The following NLGN4X variants were observed in gnomAD, a reference collection of about 807,000 sequenced individuals.
NLGN4X encodes neuroligin 4 X-linked, also known as neuroligin-4, X-linked.
NLGN4X carries 3 observed loss-of-function variants against 40.3 expected under a neutral mutation model. The ratio of observed to expected loss-of-function variants is 0.07; its 90% CI spans 0.03 to 0.19. The LOEUF (loss-of-function observed/expected upper bound fraction) is 0.19. NLGN4X is among the 10% of genes least tolerant of loss of function. The pLI, the probability that NLGN4X is intolerant of heterozygous loss-of-function variation, is 1.00. For synonymous variants in NLGN4X, 270 were observed against 306.8 expected (o/e 0.88, Z 1.25); for missense variants, 382 against 708.3 (o/e 0.54, Z 5.23).
intron 2 of NLGN4X, among the ~76,000 whole-genome samples, chrX:6,139,389 G>A (rs1309147747): frequency 1.8e-5 from 2 of 111,855 alleles, no homozygotes; most frequent in African/African-American, 6.5e-5. Context: ...AAATACCCAA[G>A]TGAGTATTTT....
At chrX:6,101,151 G>A (rs1041566193) in intron 2 of NLGN4X, among the ~76,000 whole-genome samples, 1 of 112,048 alleles carries the variant, frequency 8.9e-6, no homozygotes, top group Non-Finnish European at 1.9e-5. Flanking sequence ...TCTCAGAAAT[G>A]TAATCTTACT....
intron 2 of NLGN4X, among the ~76,000 whole-genome samples, chrX:6,137,150 C>T (rs989510029): frequency 1.8e-5 from 2 of 111,769 alleles, no homozygotes; most frequent in South Asian, 7.4e-4. Context: ...CCATTTCATG[C>T]TTCTGTCTTG....
At chrX:6,016,646 G>A (rs745862401) in intron 3 of NLGN4X, among the ~76,000 whole-genome samples, 45 of 111,715 alleles carry the variant, frequency 4.0e-4, no homozygotes, top group Non-Finnish European at 5.5e-4. Context: ...TGAAATATAT[G>A]TCCATACAAA....
chrX:5,891,397 A>G lies in NLGN4X; in HGVS notation c.*1420T>C, dbSNP rs1039085953. The G allele has an allele frequency of 4.5e-6, 1 of 220,147 alleles. No individual in the cohort carries two copies. The highest frequency in any genetic ancestry group is 8.2e-6 in the Non-Finnish European group (1 of 121,238). The allele number at this position is 220,147 out of a possible 1,213,427, so 18.1% of individuals were successfully genotyped here. A position where few individuals can be genotyped will look rare whatever the true frequency, so the allele number is the denominator to read the frequency against. On this transcript the variant is annotated 3_prime_UTR_variant, in exon 6 of 6. Transcript: ENST00000381095. ...TTCAGACAATCATATGTTTGATCCCATAAATGATATAAAAGATTTTTAAAA... is the reference window on the plus strand; with the variant it reads ...TTCAGACAATCATATGTTTGATCCCGTAAATGATATAAAAGATTTTTAAAA...
At chrX:6,210,848 A>AAGAT (rs1391887233) in intron 1 of NLGN4X, among the ~76,000 whole-genome samples, 1 of 112,546 alleles carries the variant, frequency 8.9e-6, no homozygotes, top group African/African-American at 3.2e-5. Flanking sequence ...AAACTACGAG[A>AAGAT]AGATCATTTT....
chrX:5,920,923 G>T (rs986108333), intron 3 of NLGN4X, among the ~76,000 whole-genome samples: 1 of 110,215 alleles, frequency 9.1e-6, no homozygotes, highest in Non-Finnish European at 1.9e-5. Context: ...GCATTATAAA[G>T]CTCCATGGAA....
At chrX:6,021,316 AG>A (rs1423070706) in intron 3 of NLGN4X, among the ~76,000 whole-genome samples, 1 of 109,269 alleles carries the variant, frequency 9.2e-6, no homozygotes, top group Non-Finnish European at 1.9e-5. Context: ...GCTGAGGACG[AG>A]GGAGCCTCTT....
chrX:5,979,515 G>C (rs1177187224), intron 3 of NLGN4X, among the ~76,000 whole-genome samples: 1 of 110,524 alleles, frequency 9.0e-6, no homozygotes, highest in African/African-American at 3.3e-5. Context: ...CCCTGGCATA[G>C]CGAGTCTTGT....
intron 2 of NLGN4X, among the ~76,000 whole-genome samples, chrX:6,092,595 G>A (rs994619645): frequency 6.2e-5 from 7 of 112,166 alleles, no homozygotes; most frequent in African/African-American, 2.3e-4. Flanking sequence ...GAACACTGAG[G>A]TATTATAGGT....
chrX:6,050,183 C>CA (rs1203650441), intron 2 of NLGN4X, among the ~76,000 whole-genome samples: 1 of 111,781 alleles, frequency 8.9e-6, no homozygotes, highest in Non-Finnish European at 1.9e-5. Flanking sequence ...CCTTATGCAA[C>CA]AATTAATTCA....
Position 5,919,475 on chromosome X carries a change from A to G in NLGN4X, c.626-10236T>C, listed in dbSNP as rs767351604. On this transcript the variant is annotated intron_variant, in intron 3 of 5. Coordinates refer to ENST00000381095, the MANE Select transcript of NLGN4X (RefSeq NM_181332.3). The stretch of plus-strand genomic sequence containing the variant: ...GGGCTGTTATTCTGTCCTCTACAGC[A>G]GGGGTCCCCAAGCCCCAGGCCATGG... Among the ~76,000 whole-genome samples the G allele has an allele frequency of 7.2e-5, 8 of 111,881 alleles. No individual in the cohort carries two copies. The South Asian group carries it at 3.1e-3, about 43-fold the overall frequency.
chrX:6,138,862 T>C (rs1362608054), intron 2 of NLGN4X, among the ~76,000 whole-genome samples: 2 of 110,320 alleles, frequency 1.8e-5, no homozygotes, highest in African/African-American at 6.6e-5. Flanking sequence ...TCCAGTATGA[T>C]ATTCAATATA....
intron 3 of NLGN4X, among the ~76,000 whole-genome samples, chrX:5,988,424 GA>G (rs1302239437): frequency 8.9e-6 from 1 of 112,260 alleles, no homozygotes. Flanking sequence ...TAGTTGTATG[GA>G]AACCACATTA....
At chrX:5,911,946 C>T (rs979104635) in intron 3 of NLGN4X, among the ~76,000 whole-genome samples, 5 of 111,912 alleles carry the variant, frequency 4.5e-5, no homozygotes, top group Non-Finnish European at 9.4e-5. Context: ...TAATGAAAGG[C>T]CACCAGGTTA....
At chrX:6,030,393 TATGTG>T (rs200829836) in intron 2 of NLGN4X, among the ~76,000 whole-genome samples, 1 of 28,867 alleles carries the variant, frequency 3.5e-5, no homozygotes, top group East Asian at 6.8e-3. Context: ...TGGATACAGA[TATGTG>T]TGTGTGTGTG....
chrX:6,192,173 A>C (rs1045669891), intron 1 of NLGN4X, among the ~76,000 whole-genome samples: 7 of 111,049 alleles, frequency 6.3e-5, no homozygotes, highest in Non-Finnish European at 1.1e-4. Context: ...CTCGTTGGCC[A>C]GGCTGGAGTG....
At chrX:5,990,454 C>T (rs2035650861) in intron 3 of NLGN4X, among the ~76,000 whole-genome samples, 1 of 111,240 alleles carries the variant, frequency 9.0e-6, no homozygotes, top group South Asian at 3.9e-4. Flanking sequence ...CCATGGCTCT[C>T]TGCAAAAGCA....
intron 2 of NLGN4X, among the ~76,000 whole-genome samples, chrX:6,150,303 C>T (rs567941918): frequency 8.9e-6 from 1 of 112,153 alleles, no homozygotes; most frequent in South Asian, 3.7e-4. Context: ...GTTATTGTGT[C>T]TACAGACTTT....
chrX:6,198,343 C>T (rs1378728910), intron 1 of NLGN4X, among the ~76,000 whole-genome samples: 1 of 111,629 alleles, frequency 9.0e-6, no homozygotes, highest in Non-Finnish European at 1.9e-5. Flanking sequence ...TAAGATATAA[C>T]GATATAAATA....
Sources: gnomAD v4.1 joint callset for allele counts (sites outside exome capture counted in the v4.1 genomes callset) on GRCh38, gnomAD v4.1.1 for gene constraint, MANE v1.5 for transcripts, NCBI Gene and HGNC (gene_info 2026-07-23, HGNC 2026-07-21) for gene names.